The following TMEM131 variants were observed in gnomAD, a reference collection of about 807,000 sequenced individuals.
TMEM131 encodes the protein transmembrane protein 131, also known as 2610524E03Rik.
A neutral mutation model predicts 211.6 loss-of-function variants in TMEM131; 66 were observed. That is an observed-to-expected ratio of 0.31 (90% CI 0.26 to 0.38). The LOEUF is 0.38. Ranked by LOEUF, TMEM131 falls within the 10% of genes least tolerant of loss-of-function variation. The pLI, the probability that TMEM131 is intolerant of heterozygous loss-of-function variation, is 1.00. For synonymous variants in TMEM131, 844 were observed against 841.3 expected (o/e 1.00, Z -0.06); for missense variants, 2,036 against 2,299.3 (o/e 0.89, Z 2.34).
chr2:97,889,284 A>G (rs1675284091), intron 3 of TMEM131, among the ~76,000 whole-genome samples: 1 of 152,224 alleles, frequency 6.6e-6, no homozygotes, highest in African/African-American at 2.4e-5. Flanking sequence ...AAGTAAGATT[A>G]TATTTTACTA....
chr2:97,929,379 T>C (rs1037536846), intron 1 of TMEM131, among the ~76,000 whole-genome samples: 2 of 151,726 alleles, frequency 1.3e-5, no homozygotes, highest in African/African-American at 4.9e-5. Flanking sequence ...AAGGGACAAC[T>C]TTCACATGCA....
intron 1 of TMEM131, among the ~76,000 whole-genome samples, chr2:97,936,548 A>G (rs568836732): frequency 1.8e-3 from 280 of 152,350 alleles, no homozygotes; most frequent in Middle Eastern, 3.4e-3. Flanking sequence ...CAGGTTTTTA[A>G]GGAAATCTCT....
intron 7 of TMEM131, among the ~76,000 whole-genome samples, chr2:97,839,337 A>T (rs1683086986): frequency 6.6e-6 from 1 of 151,884 alleles, no homozygotes; most frequent in African/African-American, 2.4e-5. Context: ...CCAACCAACC[A>T]ACCAACCAAC....
At chr2:97,836,335 T>C (rs1291261709) in intron 8 of TMEM131, among the ~76,000 whole-genome samples, 1 of 152,228 alleles carries the variant, frequency 6.6e-6, no homozygotes, top group Non-Finnish European at 1.5e-5. Flanking sequence ...AAAGAAACTC[T>C]GATCCTCAAA....
chr2:97,910,155 C>A (rs985653170), intron 2 of TMEM131, among the ~76,000 whole-genome samples: 3 of 152,228 alleles, frequency 2.0e-5, no homozygotes, highest in African/African-American at 7.2e-5. Flanking sequence ...TAGGGAAATG[C>A]AAATCAAAAC....
Position 97,792,825 on chromosome 2 carries a change from G to A in TMEM131, c.3705C>T (p.Val1235=). ...SNRNSADVEN[V]RAKNSSSTSS... ...AGGTACTTGAACTGTTTTTGGCTCT[G>A]ACGTTTTCCACGTCAGCTGAGTTTC... Residue 1235 remains valine (V), a synonymous_variant, in exon 31 of 41, where the codon GTC becomes GTT. Coordinates refer to ENST00000186436, the MANE Select transcript of TMEM131 (RefSeq NM_015348.2). The A allele has an allele frequency of 1.2e-6, 2 of 1,613,986 alleles. No individual in the cohort carries two copies. Among genetic ancestry groups the A allele is most frequent in the Non-Finnish European group, 8.5e-7 (1 of 1,179,896 alleles).
At chr2:97,801,832 A>G (rs1681049504) in intron 25 of TMEM131, 63 bp downstream of exon 25, 10 of 1,241,904 alleles carry the variant, frequency 8.1e-6, no homozygotes, top group Non-Finnish European at 8.8e-6. Context: ...ATTTTCTTTC[A>G]TATTTATATT....
chr2:97,948,202 T>C (rs1678134708), intron 1 of TMEM131, among the ~76,000 whole-genome samples: 2 of 152,074 alleles, frequency 1.3e-5, no homozygotes, highest in Admixed American at 6.5e-5. Flanking sequence ...GAGAGGTGGA[T>C]TAAAAATTTT....
intron 2 of TMEM131, among the ~76,000 whole-genome samples, chr2:97,921,605 T>A (rs1002889885): frequency 7.2e-5 from 11 of 152,262 alleles, no homozygotes; most frequent in Admixed American, 3.9e-4. Flanking sequence ...ATGTAACCAA[T>A]AAAGAACTCA....
chr2:97,788,960 A>G (rs1680373585), intron 31 of TMEM131, among the ~76,000 whole-genome samples: 3 of 152,330 alleles, frequency 2.0e-5, no homozygotes, highest in South Asian at 4.1e-4. Flanking sequence ...CAATACATGC[A>G]TACTTTTTTC....
chr2:97,898,066 T>C (rs898760056), intron 3 of TMEM131, among the ~76,000 whole-genome samples: 1 of 152,156 alleles, frequency 6.6e-6, no homozygotes, highest in Non-Finnish European at 1.5e-5. Context: ...ATTTCATTAC[T>C]GATTTTTTTT....
chr2:97,910,268 G>A (rs1676239786), intron 2 of TMEM131, among the ~76,000 whole-genome samples: 1 of 152,114 alleles, frequency 6.6e-6, no homozygotes, highest in Non-Finnish European at 1.5e-5. Context: ...GAACCTTTGT[G>A]CACTGTTAGT....
intron 5 of TMEM131, among the ~76,000 whole-genome samples, chr2:97,856,566 T>C (rs574815841): frequency 6.6e-6 from 1 of 152,362 alleles, no homozygotes; most frequent in Admixed American, 6.5e-5. Flanking sequence ...CTCTGAGTTA[T>C]AGACAATGTT....
chr2:97,878,274 T>C (rs1357431996), intron 4 of TMEM131, among the ~76,000 whole-genome samples: 2 of 152,220 alleles, frequency 1.3e-5, no homozygotes, highest in Admixed American at 6.5e-5. Context: ...AGTTCAACCA[T>C]TGTAGAATAC....
At chr2:97,930,441 A>T (rs555243854) in intron 1 of TMEM131, among the ~76,000 whole-genome samples, 4 of 151,952 alleles carry the variant, frequency 2.6e-5, no homozygotes, top group African/African-American at 9.7e-5. Context: ...TTCATATTTT[A>T]AAAAGTATGA....
chr2:97,826,431 C>T (rs537884521), intron 11 of TMEM131, among the ~76,000 whole-genome samples: 46 of 152,220 alleles, frequency 3.0e-4, no homozygotes, highest in African/African-American at 8.2e-4. Flanking sequence ...AGTTATTGCA[C>T]GCAGTACAAA....
intron 1 of TMEM131, among the ~76,000 whole-genome samples, chr2:97,985,104 T>C (rs1450641244): frequency 6.6e-6 from 1 of 152,138 alleles, no homozygotes; most frequent in Admixed American, 6.5e-5. Context: ...AGAAATTTCC[T>C]ATTATTAAGA....
rs145558496 is a variant in TMEM131 at position 97,796,771 on chromosome 2, T to A, written c.3013+73A>T. The stretch of plus-strand genomic sequence containing the variant: ...CACAGGTGCACATACAGAAATAATG[T>A]TGTTTTTGAAATTATTTACTGTTGA... On this transcript the variant is annotated intron_variant, in intron 27 of 40. Transcript: ENST00000186436. The A allele has an allele frequency of 2.0e-6, 3 of 1,471,156 alleles. No homozygotes were observed. In the African/African-American group the frequency reaches 4.2e-5, roughly 21 times the overall value. The allele number at this position is 1,471,156 out of a possible 1,614,324, so 91.1% of individuals were successfully genotyped here.
Position 97,815,290 on chromosome 2 carries a change from G to A in TMEM131, c.1201C>T (p.Pro401Ser). 1 of 1,566,616 alleles carries A rather than the reference G, an allele frequency of 6.4e-7. No individual in the cohort carries two copies. Among genetic ancestry groups the A allele is most frequent in the Non-Finnish European group, 8.6e-7 (1 of 1,165,478 alleles). The change falls in exon 13 of 41, where the codon CCA becomes TCA. Residue 401 changes from proline to serine, a missense_variant. This residue lies in a region of TMEM131 where 1,623 missense variants were observed against 1,805.9 expected (regional missense o/e 0.90). Coordinates refer to ENST00000186436, the MANE Select transcript of TMEM131 (RefSeq NM_015348.2). ...GTTATTTTCCCAGAAAACTGAGATG[G>A]CTTTTTTGCCTTCGATGCTGAAAGG... is the stretch of plus-strand genomic sequence containing the variant. Reference protein sequence around the residue: ...ISFDASKAKKPSQFSGKITVK... With the variant: ...ISFDASKAKKSSQFSGKITVK...
Sources: allele counts gnomAD v4.1 joint callset (sites outside exome capture counted in the v4.1 genomes callset), GRCh38; gene constraint gnomAD v4.1.1; regional missense constraint gnomAD v4.1.1; transcripts MANE v1.5; gene names NCBI Gene and HGNC (gene_info 2026-07-23, HGNC 2026-07-21).